TCAIM: variants seen among roughly 807,000 people sequenced by gnomAD.
The protein encoded by TCAIM is T cell activation inhibitor, mitochondrial.
A neutral mutation model predicts 58.6 loss-of-function variants in TCAIM; 36 were observed. The ratio of observed to expected loss-of-function variants is 0.61; its 90% CI spans 0.47 to 0.81. TCAIM has a LOEUF of 0.81. Among genes scored for constraint, TCAIM ranks in the 30% least tolerant of loss-of-function variants. The probability of loss-of-function intolerance (pLI) is 0.00; values close to 1 mark genes in which losing one functional copy is unlikely to be tolerated. For missense variants in TCAIM, 466 were observed against 579.6 expected (o/e 0.80, Z 2.01); for synonymous variants, 172 against 193.6 (o/e 0.89, Z 0.93).
At chr3:44,370,277 C>A (rs1006876221) in intron 5 of TCAIM, among the ~76,000 whole-genome samples, 2 of 151,890 alleles carry the variant, frequency 1.3e-5, no homozygotes, top group African/African-American at 4.8e-5. Context: ...CTGGCTAACA[C>A]GGTGAAACCC....
chr3:44,407,186 T>C (rs1480971461), intron 10 of TCAIM, among the ~76,000 whole-genome samples: 1 of 152,242 alleles, frequency 6.6e-6, no homozygotes. Context: ...ATTTATGTTA[T>C]TTTTAGCCCT....
At chr3:44,360,125 G>A (rs1701271441) in intron 3 of TCAIM, among the ~76,000 whole-genome samples, 1 of 151,870 alleles carries the variant, frequency 6.6e-6, no homozygotes, top group African/African-American at 2.4e-5. Flanking sequence ...ATTTTAAATT[G>A]CCATCTCTGC....
At chr3:44,392,715 C>G in intron 5 of TCAIM, 140 bp from the exon 6 acceptor site, 1 of 711,872 alleles carries the variant, frequency 1.4e-6, no homozygotes. Context: ...TTTTCTTTAC[C>G]CAATCTGTCA....
chr3:44,360,958 A>C (rs1212431809), intron 3 of TCAIM, among the ~76,000 whole-genome samples: 1 of 152,220 alleles, frequency 6.6e-6, no homozygotes, highest in Non-Finnish European at 1.5e-5. Flanking sequence ...AAAAATAATG[A>C]TGAAGATTTA....
At chr3:44,362,480 C>G (rs191171475) in intron 4 of TCAIM, 5 of 400,856 alleles carry the variant, frequency 1.2e-5, no homozygotes, top group Non-Finnish European at 2.2e-5. Flanking sequence ...TTGAAGACAA[C>G]TCCTCACCCA....
chr3:44,396,680 T>A (rs1701940517), intron 7 of TCAIM, 63 bp from the exon 8 acceptor site: 7 of 1,558,998 alleles, frequency 4.5e-6, no homozygotes, highest in Non-Finnish European at 5.3e-6. Flanking sequence ...ATACACTATT[T>A]GCACAATGCT....
At chr3:44,366,118 A>G (rs1215990075) in intron 4 of TCAIM, among the ~76,000 whole-genome samples, 1 of 152,260 alleles carries the variant, frequency 6.6e-6, no homozygotes, top group Non-Finnish European at 1.5e-5. Context: ...GACAAGAGAA[A>G]TGATAATGGC....
At chr3:44,361,268 T>G (rs1348963816) in intron 3 of TCAIM, 97 bp from the exon 4 acceptor site, 12 of 1,055,498 alleles carry the variant, frequency 1.1e-5, no homozygotes, top group South Asian at 2.4e-5. Context: ...ACTAAATTAT[T>G]TAATACTCTC....
chr3:44,380,077 A>T (rs770276632), intron 5 of TCAIM, among the ~76,000 whole-genome samples: 21 of 152,192 alleles, frequency 1.4e-4, no homozygotes, highest in Non-Finnish European at 1.9e-4. Flanking sequence ...ATTAGATCAT[A>T]GACTTAAATG....
chr3:44,380,416 G>C (rs1460084020), intron 5 of TCAIM, among the ~76,000 whole-genome samples: 1 of 151,906 alleles, frequency 6.6e-6, no homozygotes, highest in African/African-American at 2.4e-5. Flanking sequence ...TAACAATTTT[G>C]AGCAAAAAAG....
intron 5 of TCAIM, among the ~76,000 whole-genome samples, chr3:44,383,766 A>G (rs1701690366): frequency 6.9e-6 from 1 of 145,688 alleles, no homozygotes; most frequent in South Asian, 2.2e-4. Context: ...TGAGCTTAAG[A>G]GTTCAAGATC....
At chr3:44,384,856 T>C (rs1003548631) in intron 5 of TCAIM, among the ~76,000 whole-genome samples, 3 of 152,210 alleles carry the variant, frequency 2.0e-5, no homozygotes, top group African/African-American at 7.2e-5. Context: ...AGCTCATGCA[T>C]TGTTTAGAGG....
chr3:44,354,866 T>G, intron 2 of TCAIM, 55 bp downstream of exon 2: 1 of 1,563,532 alleles, frequency 6.4e-7, no homozygotes, highest in Non-Finnish European at 8.7e-7. Flanking sequence ...AGGTCTGTTA[T>G]GCATTTGGTT....
chr3:44,373,069 A>G (rs1559571798), intron 5 of TCAIM, among the ~76,000 whole-genome samples: 1 of 152,130 alleles, frequency 6.6e-6, no homozygotes, highest in Non-Finnish European at 1.5e-5. Flanking sequence ...ATTGTGTCCT[A>G]GCATTTTTAA....
rs76760164 is a variant in TCAIM at position 44,388,291 on chromosome 3, G to A, written c.573-4564G>A. Among the ~76,000 whole-genome samples the A allele has an allele frequency of 8.5e-5, 13 of 152,138 alleles. 1 individual carries two copies. The highest frequency in any genetic ancestry group is 3.4e-3 in the Middle Eastern group (1 of 292). On this transcript the variant is annotated intron_variant, in intron 5 of 10. Coordinates refer to ENST00000342649, the MANE Select transcript of TCAIM (RefSeq NM_173826.4). ...TATTAGGAAAAGAAAATCCCAAATC[G>A]TGAGCCACATTTAGTTGTCAAATCT...
chr3:44,369,256 A>G (rs1234217157), intron 5 of TCAIM, among the ~76,000 whole-genome samples: 4 of 152,162 alleles, frequency 2.6e-5, no homozygotes, highest in South Asian at 2.1e-4. Context: ...CCGCGGGAGA[A>G]TATTGTTGTA....
intron 5 of TCAIM, among the ~76,000 whole-genome samples, chr3:44,374,286 C>CTTTTTTT (rs753252645): frequency 1.7e-5 from 2 of 119,866 alleles, no homozygotes; most frequent in Non-Finnish European, 1.8e-5. Context: ...GCTTTGCTTT[C>CTTTTTTT]TTTTTTTTTT....
intron 4 of TCAIM, among the ~76,000 whole-genome samples, chr3:44,365,623 G>A (rs1399873840): frequency 4.6e-5 from 7 of 152,000 alleles, no homozygotes; most frequent in Non-Finnish European, 7.4e-5. Context: ...CCACTGCCCC[G>A]GCCTCATACG....
At chr3:44,402,193 C>T (rs1168646843) in intron 10 of TCAIM, among the ~76,000 whole-genome samples, 2 of 151,646 alleles carry the variant, frequency 1.3e-5, no homozygotes, top group Non-Finnish European at 2.9e-5. Flanking sequence ...TCACTTGAGC[C>T]CAGGAGTTCA....
Sources: gnomAD v4.1 joint callset for allele counts (sites outside exome capture counted in the v4.1 genomes callset) on GRCh38, gnomAD v4.1.1 for gene constraint, MANE v1.5 for transcripts, NCBI Gene and HGNC (gene_info 2026-07-23, HGNC 2026-07-21) for gene names.